The following SULT4A1 variants were observed in gnomAD, a reference collection of about 807,000 sequenced individuals.
SULT4A1 encodes the protein sulfotransferase 4A1.
In SULT4A1, 11 loss-of-function variants were observed where a neutral mutation model predicts 35.2. The ratio of observed to expected loss-of-function variants is 0.31; its 90% CI spans 0.20 to 0.52. SULT4A1 has a LOEUF of 0.52. SULT4A1 is among the 20% of genes least tolerant of loss of function. The pLI, the probability that SULT4A1 is intolerant of heterozygous loss-of-function variation, is 0.97. For synonymous variants in SULT4A1, 152 were observed against 151.8 expected, an observed-to-expected ratio of 1.00 and a Z score of -0.01; for missense variants, 271 against 383.7, an observed-to-expected ratio of 0.71 and a Z score of 2.45.
Position 43,862,463 on chromosome 22 carries a change from C to A in SULT4A1, c.-81G>T. On this transcript the variant is annotated 5_prime_UTR_variant, in exon 1 of 7. Transcript: ENST00000330884. ...CGCGCCCGCGCCCGCGCCCGCGCCCCGCACACGCTCGCGCCCCACCGGCGC... is the reference window on the plus strand; with the variant it reads ...CGCGCCCGCGCCCGCGCCCGCGCCCAGCACACGCTCGCGCCCCACCGGCGC... 2.0e-6 allele frequency: 1 copy of A among 494,564 alleles called. No individual in the cohort carries two copies. Among genetic ancestry groups the A allele is most frequent in the South Asian group, 9.2e-5 (1 of 10,924 alleles). 30.6% of individuals were successfully genotyped at this position (494,564 alleles called of 1,614,324 possible). A position where few individuals can be genotyped will look rare whatever the true frequency, so the allele number is the denominator to read the frequency against.
At chr22:43,843,774 C>T (rs143593497) in intron 1 of SULT4A1, among the ~76,000 whole-genome samples, 1 of 152,374 alleles carries the variant, frequency 6.6e-6, no homozygotes, top group East Asian at 1.9e-4. Flanking sequence ...TCATCAGAAG[C>T]CTTTGTAACA....
chr22:43,840,610 CCA>C (rs2063419220), intron 2 of SULT4A1, among the ~76,000 whole-genome samples: 1 of 152,182 alleles, frequency 6.6e-6, no homozygotes, highest in South Asian at 2.1e-4. Flanking sequence ...GGCACCAGCC[CCA>C]GTGGGTGCTG....
intron 4 of SULT4A1, among the ~76,000 whole-genome samples, chr22:43,836,807 A>G (rs1178626049): frequency 6.6e-6 from 1 of 150,880 alleles, no homozygotes; most frequent in Non-Finnish European, 1.5e-5. Context: ...CCCAGTCTAC[A>G]CAGCGTCCTC....
At chr22:43,854,750 C>T (rs2285166) in intron 1 of SULT4A1, among the ~76,000 whole-genome samples, 35,211 of 152,126 alleles carry the variant, frequency 0.23, 4,758 homozygotes, top group East Asian at 0.45. Flanking sequence ...GTGTTCATGT[C>T]GTCTCTCAAG....
chr22:43,840,222 G>A (rs914073322), intron 2 of SULT4A1, among the ~76,000 whole-genome samples, 197 bp from the exon 3 acceptor site: 2 of 150,246 alleles, frequency 1.3e-5, no homozygotes, highest in African/African-American at 4.9e-5. Flanking sequence ...TGAGGCCAGA[G>A]GGAGGGGTAA....
intron 1 of SULT4A1, among the ~76,000 whole-genome samples, chr22:43,843,541 C>T (rs776706630): frequency 2.6e-5 from 4 of 152,250 alleles, no homozygotes; most frequent in Non-Finnish European, 4.4e-5. Context: ...CTCCCCACTC[C>T]GACTGACAGT....
intron 1 of SULT4A1, among the ~76,000 whole-genome samples, chr22:43,847,343 A>G (rs1441872494): frequency 6.6e-6 from 1 of 152,244 alleles, no homozygotes; most frequent in Non-Finnish European, 1.5e-5. Context: ...GCACACTTCT[A>G]AGCACTTGGA....
rs187151771 is a variant in SULT4A1, at chr22:43,851,144, T to C, written c.170-9212A>G. ...TACTTCCTGGGCTATTTTCTCAGCC[T>C]GACAACCCAAACCTCACAACTGTGC... On this transcript the variant is annotated intron_variant, in intron 1 of 6. Coordinates refer to ENST00000330884, the MANE Select transcript of SULT4A1 (RefSeq NM_014351.4). 3.0e-3 allele frequency among the ~76,000 whole-genome samples: 453 copies of C among 152,318 alleles called. 2 individuals carry two copies. The highest frequency in any genetic ancestry group is 4.1e-3 in the Non-Finnish European group (276 of 68,026).
chr22:43,837,556 CAG>C (rs2063387407), intron 4 of SULT4A1, among the ~76,000 whole-genome samples: 1 of 152,178 alleles, frequency 6.6e-6, no homozygotes, highest in Admixed American at 6.5e-5. Context: ...AGAGCAGGCT[CAG>C]GGGGCTTCAG....
chr22:43,839,897 C>T (rs554138153), intron 3 of SULT4A1, 48 bp downstream of exon 3: 237 of 1,549,592 alleles, frequency 1.5e-4, no homozygotes, highest in South Asian at 1.4e-3. Flanking sequence ...ACCTTGGGCT[C>T]CTCTTGGTGG....
chr22:43,833,608 A>T (rs779640692), intron 5 of SULT4A1, 32 bp downstream of exon 5: 17 of 1,557,372 alleles, frequency 1.1e-5, no homozygotes, highest in East Asian at 2.3e-5. Context: ...GGGCCAGGGC[A>T]CCCGGAGGAC....
At chr22:43,853,376 C>A (rs2049365687) in intron 1 of SULT4A1, among the ~76,000 whole-genome samples, 1 of 152,256 alleles carries the variant, frequency 6.6e-6, no homozygotes, top group South Asian at 2.1e-4. Context: ...TGGCAGCTCA[C>A]TTCTGGGCCT....
intron 1 of SULT4A1, among the ~76,000 whole-genome samples, chr22:43,856,734 T>C (rs1023343208): frequency 6.6e-6 from 1 of 152,108 alleles, no homozygotes; most frequent in African/African-American, 2.4e-5. Flanking sequence ...TACAATAATA[T>C]GAAACCAGTG....
At chr22:43,857,766 A>G (rs1464813233) in intron 1 of SULT4A1, among the ~76,000 whole-genome samples, 1 of 152,184 alleles carries the variant, frequency 6.6e-6, no homozygotes, top group Non-Finnish European at 1.5e-5. Context: ...TAAACAAGCC[A>G]AGGCCTGGCA....
chr22:43,842,219 G>C (rs986248148), intron 1 of SULT4A1, among the ~76,000 whole-genome samples: 18 of 152,210 alleles, frequency 1.2e-4, no homozygotes, highest in Non-Finnish European at 2.4e-4. Context: ...AGTGGCTCAG[G>C]GGCTGTAACA....
At chr22:43,827,755 CCACACACA>C (rs3223292) in intron 6 of SULT4A1, 15 of 327,552 alleles carry the variant, frequency 4.6e-5, no homozygotes, top group Non-Finnish European at 7.3e-5. Context: ...CGCTGCTTCA[CCACACACA>C]CACACACACA....
chr22:43,835,510 C>T (rs923879373), intron 4 of SULT4A1, among the ~76,000 whole-genome samples: 10 of 152,178 alleles, frequency 6.6e-5, no homozygotes, highest in African/African-American at 2.2e-4. Context: ...CACATCCCAC[C>T]AAAACCTCCA....
At chr22:43,831,611 C>T (rs1362914593) in intron 5 of SULT4A1, among the ~76,000 whole-genome samples, 1 of 152,224 alleles carries the variant, frequency 6.6e-6, no homozygotes, top group African/African-American at 2.4e-5. Flanking sequence ...CGTGCTGCAA[C>T]GGAGCACCGA....
At chr22:43,853,243 G>A (rs1221725567) in intron 1 of SULT4A1, among the ~76,000 whole-genome samples, 1 of 152,108 alleles carries the variant, frequency 6.6e-6, no homozygotes, top group African/African-American at 2.4e-5. Context: ...AGTGAGCAGC[G>A]AAACAGGGCC....
Sources: allele counts gnomAD v4.1 joint callset (sites outside exome capture counted in the v4.1 genomes callset), GRCh38; gene constraint gnomAD v4.1.1; transcripts MANE v1.5; gene names NCBI Gene and HGNC (gene_info 2026-07-23, HGNC 2026-07-21).